The following MGAM2 variants were observed in gnomAD, a reference collection of about 807,000 sequenced individuals.
MGAM2 encodes maltase-glucoamylase 2 (putative).
In MGAM2, 98 loss-of-function variants were observed where a neutral mutation model predicts 96.1. The ratio of observed to expected loss-of-function variants is 1.02; its 90% CI spans 0.87 to 1.21. MGAM2 has a LOEUF of 1.21. Among genes scored for constraint, MGAM2 ranks in the 50% most tolerant of loss-of-function variants. MGAM2 has a pLI of 0.00. For missense variants in MGAM2, 2,055 were observed against 1,182.4 expected (o/e 1.74, Z -10.82); for synonymous variants, 749 against 414.8 (o/e 1.81, Z -9.79).
At chr7:142,157,850 C>G in intron 17 of MGAM2, 87 bp from the exon 18 acceptor site, 1 of 656,384 alleles carries the variant, frequency 1.5e-6, no homozygotes, top group East Asian at 2.7e-5. Context: ...GAGGAAGTGG[C>G]TAGTTTCATC....
intron 45 of MGAM2, among the ~76,000 whole-genome samples, chr7:142,201,761 A>G (rs968372236): frequency 3.3e-5 from 5 of 152,242 alleles, no homozygotes; most frequent in African/African-American, 9.6e-5. Flanking sequence ...ACATTGGATC[A>G]GGTTTTATAA....
intron 37 of MGAM2, among the ~76,000 whole-genome samples, chr7:142,194,696 A>ATGTGTGTGTG (rs72262078): frequency 0.01 from 1,439 of 138,424 alleles, 31 homozygotes; most frequent in African/African-American, 0.038. Context: ...ACATGTGTGT[A>ATGTGTGTGTG]TGTGTGTGTG....
chr7:142,114,487 A>G (rs920390904), intron 1 of MGAM2, among the ~76,000 whole-genome samples: 3 of 152,184 alleles, frequency 2.0e-5, no homozygotes, highest in African/African-American at 4.8e-5. Context: ...TCGTTTTGGA[A>G]GATTGGCACT....
intron 8 of MGAM2, among the ~76,000 whole-genome samples, chr7:142,137,228 A>C (rs1795084965): frequency 6.6e-6 from 1 of 152,002 alleles, no homozygotes; most frequent in Non-Finnish European, 1.5e-5. Flanking sequence ...AAAAAAAAAA[A>C]ACAAAACTCA....
Position 142,138,525 on chromosome 7 carries a change from C to G in MGAM2, c.961-17C>G. ...TAATGTTATTCTCAAAGCCTACACA[C>G]TTACTTATCTTTTCAGCTTGTTGGA... is the stretch of plus-strand genomic sequence containing the variant. On this transcript the variant is annotated splice_polypyrimidine_tract_variant and intron_variant, in intron 9 of 47. Transcript: ENST00000477922. 1.4e-6 allele frequency: 1 copy of G among 702,110 alleles called. No homozygotes were observed. Among genetic ancestry groups the G allele is most frequent in the Non-Finnish European group, 2.6e-6 (1 of 384,600 alleles). The allele number at this position is 702,110 out of a possible 1,614,324, so 43.5% of individuals were successfully genotyped here.
At chr7:142,194,972 A>C (rs527343246) in intron 37 of MGAM2, among the ~76,000 whole-genome samples, 1 of 152,184 alleles carries the variant, frequency 6.6e-6, no homozygotes, top group South Asian at 2.1e-4. Flanking sequence ...TTATTTTCTA[A>C]GGGTGCGTGC....
intron 3 of MGAM2, among the ~76,000 whole-genome samples, chr7:142,123,102 G>A (rs527942020): frequency 2.5e-4 from 38 of 152,044 alleles, no homozygotes; most frequent in African/African-American, 8.7e-4. Context: ...AATTACAGGG[G>A]TGAGCCACCG....
At chr7:142,169,942 C>T (rs1003542284) in intron 26 of MGAM2, 133 bp from the exon 27 acceptor site, 13 of 538,710 alleles carry the variant, frequency 2.4e-5, no homozygotes, top group East Asian at 1.5e-4. Context: ...CACATCCATT[C>T]GCTTGGGGAT....
chr7:142,177,606 G>A (rs1391361901), intron 32 of MGAM2, among the ~76,000 whole-genome samples: 1 of 152,136 alleles, frequency 6.6e-6, no homozygotes, highest in Non-Finnish European at 1.5e-5. Flanking sequence ...CCACTTATAA[G>A]TGAGAACATG....
intron 12 of MGAM2, among the ~76,000 whole-genome samples, chr7:142,141,818 A>C (rs1795239625): frequency 6.6e-6 from 1 of 152,086 alleles, no homozygotes; most frequent in Non-Finnish European, 1.5e-5. Flanking sequence ...AAATTTACAC[A>C]AGACTTATAG....
Position 142,210,433 on chromosome 7 carries a change from C to A in MGAM2, c.5187+1811C>A, listed in dbSNP as rs192809967. On this transcript the variant is annotated intron_variant, in intron 46 of 47. Coordinates refer to ENST00000477922, the MANE Select transcript of MGAM2 (RefSeq NM_001293626.2). ...CCACAGAGCCCAGCAAGCTAAGATC[C>A]ACAGGCTTGAAATACTCGCCGCCAG... Among the ~76,000 whole-genome samples, 7 of 152,270 alleles carry A rather than the reference C, an allele frequency of 4.6e-5. No homozygotes were observed. The East Asian group carries it at 1.4e-3, about 30-fold the overall frequency.
rs1425130813 is a variant in MGAM2, at chr7:142,221,139, A to G, written c.6628A>G (p.Asn2210Asp). Residue 2210 changes from asparagine (N) to aspartate (D), a missense_variant, in exon 48 of 48, where the codon AAT becomes GAT. By Grantham distance (23) the Asn-to-Asp change is conservative (BLOSUM62 1). Coordinates refer to ENST00000477922, the MANE Select transcript of MGAM2 (RefSeq NM_001293626.2). ...IMTTSFSEST[N>D]AMNTTVIMAT... The stretch of plus-strand genomic sequence containing the variant: ...GACCACTTCTTTCTCTGAAAGTACT[A>G]ATGCTATGAACACTACTGTTATTAT... The G allele has an allele frequency of 4.3e-6, 3 of 702,436 alleles. No homozygotes were observed. Among genetic ancestry groups the G allele is most frequent in the African/African-American group, 3.5e-5 (2 of 57,204 alleles). The allele number at this position is 702,436 out of a possible 1,614,324, so 43.5% of individuals were successfully genotyped here.
chr7:142,123,033 T>A (rs1403052981), intron 3 of MGAM2, among the ~76,000 whole-genome samples: 1 of 152,130 alleles, frequency 6.6e-6, no homozygotes, highest in Non-Finnish European at 1.5e-5. Flanking sequence ...TTTCACCATA[T>A]TGGCCAGGAT....
At chr7:142,192,123 A>G (rs1333999191) in intron 37 of MGAM2, among the ~76,000 whole-genome samples, 4 of 152,146 alleles carry the variant, frequency 2.6e-5, no homozygotes, top group Non-Finnish European at 5.9e-5. Context: ...CAGAGTTTAC[A>G]AGAACCTCAT....
chr7:142,215,548 G>A (rs1797732611), intron 46 of MGAM2, among the ~76,000 whole-genome samples: 1 of 151,614 alleles, frequency 6.6e-6, no homozygotes, highest in African/African-American at 2.4e-5. Flanking sequence ...ATCACCTGAG[G>A]TCGGGAGTTT....
At chr7:142,208,803 T>G (rs1045244666) in intron 46 of MGAM2, among the ~76,000 whole-genome samples, 181 bp downstream of exon 46, 2 of 152,178 alleles carry the variant, frequency 1.3e-5, no homozygotes, top group Non-Finnish European at 2.9e-5. Flanking sequence ...TTTGGCAGTT[T>G]TCCAGTATAC....
chr7:142,112,984 T>C (rs1342156333), intron 1 of MGAM2, among the ~76,000 whole-genome samples: 1 of 152,228 alleles, frequency 6.6e-6, no homozygotes, highest in Non-Finnish European at 1.5e-5. Flanking sequence ...GCAAATTACC[T>C]GTAGGTCCTA....
At chr7:142,177,177 G>T (rs1405150888) in intron 32 of MGAM2, among the ~76,000 whole-genome samples, 1 of 152,180 alleles carries the variant, frequency 6.6e-6, no homozygotes, top group Non-Finnish European at 1.5e-5. Context: ...TGGACTCACA[G>T]TTCCATATGG....
At chr7:142,117,978 G>A (rs1462873998) in intron 2 of MGAM2, among the ~76,000 whole-genome samples, 3 of 149,516 alleles carry the variant, frequency 2.0e-5, no homozygotes, top group Non-Finnish European at 4.5e-5. Context: ...TCCATGGGTT[G>A]AAAGGGGGGC....
Sources: allele counts gnomAD v4.1 joint callset (sites outside exome capture counted in the v4.1 genomes callset), GRCh38; gene constraint gnomAD v4.1.1; transcripts MANE v1.5; gene names NCBI Gene and HGNC (gene_info 2026-07-23, HGNC 2026-07-21).